Variants in MAP1LC3A observed in about 807,000 individuals in gnomAD.
MAP1LC3A encodes microtubule-associated protein 1 light chain 3 alpha.
Under a neutral mutation model 15.2 loss-of-function variants are expected in MAP1LC3A, and 10 were observed. The ratio of observed to expected loss-of-function variants is 0.66; its 90% confidence interval spans 0.41 to 1.12. The LOEUF is 1.12. Among genes scored for constraint, MAP1LC3A ranks in the 50% most tolerant of loss-of-function variants. The pLI is 0.00. For missense variants in MAP1LC3A, 138 were observed against 167.3 expected (o/e 0.82, Z 0.97); for synonymous variants, 63 against 64.3 (o/e 0.98, Z 0.10).
chr20:34,550,785 G>T (rs557657859), intron 2 of MAP1LC3A, among the ~76,000 whole-genome samples: 1 of 152,224 alleles, frequency 6.6e-6, no homozygotes, highest in South Asian at 2.1e-4. Flanking sequence ...TGAAACAAAA[G>T]AACATATCCC....
intron 1 of MAP1LC3A, 123 bp downstream of exon 1, chr20:34,559,031 C>G (rs1177037472): frequency 7.5e-7 from 1 of 1,336,298 alleles, no homozygotes; most frequent in Non-Finnish European, 9.6e-7. Context: ...GGACCAGCTC[C>G]GGCCTGGGCG....
chr20:34,558,761 A>C lies in MAP1LC3A; in HGVS notation c.-108A>C. 3 of 1,327,844 alleles carry C rather than the reference A, an allele frequency of 2.3e-6. No homozygotes were observed. The highest frequency in any genetic ancestry group is 2.9e-6 in the Non-Finnish European group (3 of 1,045,784). The allele number at this position is 1,327,844 out of a possible 1,614,324, so 82.3% of individuals were successfully genotyped here. On this transcript the variant is annotated 5_prime_UTR_variant, in exon 1 of 4. Coordinates refer to ENST00000360668, the MANE Select transcript of MAP1LC3A (RefSeq NM_032514.4). This position sits in a 1 kb window ranked among gnomAD's most constrained non-coding sequence, Gnocchi z 4.3. ...AGCCGCAGCCGCCGTGCTCAGCGCG[A>C]GCCCCGGAGCCCTTGAGCGCGAGGC...
At chr20:34,551,128 C>T (rs1006263516) in intron 2 of MAP1LC3A, among the ~76,000 whole-genome samples, 10 of 151,778 alleles carry the variant, frequency 6.6e-5, no homozygotes, top group Admixed American at 2.6e-4. Flanking sequence ...GGCATGCTCC[C>T]GTAATCCCAG....
At chr20:34,549,485 G>T (rs115910063) in intron 1 of MAP1LC3A, among the ~76,000 whole-genome samples, 10 of 152,314 alleles carry the variant, frequency 6.6e-5, no homozygotes, top group African/African-American at 9.6e-5. Context: ...TGCAGGGCAG[G>T]TTCTTTGCCT....
intron 2 of MAP1LC3A, among the ~76,000 whole-genome samples, chr20:34,550,694 G>C (rs1981916240): frequency 6.6e-6 from 1 of 152,174 alleles, no homozygotes; most frequent in Admixed American, 6.5e-5. Context: ...AGCACAAAAT[G>C]GAACAGCACT....
At chr20:34,547,236 C>T (rs1232102492) in intron 1 of MAP1LC3A, among the ~76,000 whole-genome samples, 1 of 152,014 alleles carries the variant, frequency 6.6e-6, no homozygotes, top group Non-Finnish European at 1.5e-5. Flanking sequence ...GTGCAGCAGT[C>T]ACCATACAGC....
At chr20:34,553,135 GC>G (rs1357084922) in intron 2 of MAP1LC3A, among the ~76,000 whole-genome samples, 1 of 152,106 alleles carries the variant, frequency 6.6e-6, no homozygotes, top group Non-Finnish European at 1.5e-5. Flanking sequence ...GTTGCGGTAC[GC>G]CAATATTGTG....
chr20:34,559,836 G>C lies in MAP1LC3A; in HGVS notation c.304G>C (p.Glu102Gln), dbSNP rs1204969528. The C allele has an allele frequency of 5.0e-6, 8 of 1,614,058 alleles. No individual in the cohort carries two copies. The highest frequency in any genetic ancestry group is 6.8e-6 in the Non-Finnish European group (8 of 1,180,000). The change falls in exon 4 of 4, where the codon GAG becomes CAG. Residue 102 changes from glutamate (E) to glutamine (Q), a missense_variant. Coordinates refer to ENST00000360668, the MANE Select transcript of MAP1LC3A (RefSeq NM_032514.4). ...STPIADIYEQ[E>Q]KDEDGFLYMV... ...GCCCATCGCGGACATCTACGAGCAG[G>C]AGAAAGACGAGGACGGCTTCCTCTA...
chr20:34,554,828 C>T (rs1453756194), upstream of MAP1LC3A, among the ~76,000 whole-genome samples: 1 of 151,994 alleles, frequency 6.6e-6, no homozygotes. Context: ...CCACCATACC[C>T]AGCTAATTTT....
Position 34,550,001 on chromosome 20 carries a change from T to C in MAP1LC3A, c.24T>C (p.Ser8=), listed in dbSNP as rs200785757. ...AGATGAAGATGAGATTCTTCAGTTC[T>C]CCATGTGGAAAAGCAGCTGTGGACC... is the stretch of plus-strand genomic sequence containing the variant. The change falls in exon 2 of 5, where the codon TCT becomes TCC. Residue 8 remains serine, a synonymous_variant. Transcript: ENST00000374837. 14 of 1,614,198 alleles carry C rather than the reference T, an allele frequency of 8.7e-6. No individual in the cohort carries two copies. The East Asian group carries it at 2.5e-4, about 28-fold the overall frequency.
chr20:34,559,938 C>T lies in MAP1LC3A; in HGVS notation c.*40C>T. The T allele has an allele frequency of 6.3e-7, 1 of 1,579,792 alleles. No individual in the cohort carries two copies. The highest frequency in any genetic ancestry group is 8.6e-7 in the Non-Finnish European group (1 of 1,164,540). On this transcript the variant is annotated 3_prime_UTR_variant, in exon 4 of 4. Transcript: ENST00000360668. ...GGCTCGGCCTGGGAGTCGGGCGGCC[C>T]CGGTCAGGCCCTGCCCAGAGAGCTC...
At chr20:34,551,612 C>T (rs868325619) in intron 2 of MAP1LC3A, among the ~76,000 whole-genome samples, 4 of 151,578 alleles carry the variant, frequency 2.6e-5, no homozygotes, top group Admixed American at 6.6e-5. Context: ...ATTACAGGTG[C>T]CTGCCATCAC....
rs1982364741 is a variant in MAP1LC3A at position 34,559,770 on chromosome 20, T to A, written c.238T>A (p.Phe80Ile). 1 of 1,612,050 alleles carries A rather than the reference T, an allele frequency of 6.2e-7. No individual in the cohort carries two copies. The highest frequency in any genetic ancestry group is 8.5e-7 in the Non-Finnish European group (1 of 1,179,218). ...GCAGCTGAACCCCACGCAGGCCTTC[T>A]TCCTGCTGGTGAACCAGCACAGCAT... ...RLQLNPTQAF[F>I]LLVNQHSMVS... Residue 80 changes from phenylalanine (F) to isoleucine (I), a missense_variant, in exon 4 of 4, where the codon TTC becomes ATC. Physicochemically the swap from Phe to Ile is conservative, Grantham distance 21. Coordinates refer to ENST00000360668, the MANE Select transcript of MAP1LC3A (RefSeq NM_032514.4).
chr20:34,556,913 T>G (rs749365915), upstream of MAP1LC3A, among the ~76,000 whole-genome samples: 18 of 152,212 alleles, frequency 1.2e-4, no homozygotes, highest in Non-Finnish European at 2.4e-4. Flanking sequence ...TTTTCAGCCT[T>G]AAAAACAAAA....
rs966805513 is a variant in MAP1LC3A at position 34,559,592 on chromosome 20, G to T, written c.203+139G>T. On this transcript the variant is annotated intron_variant, in intron 3 of 3. Coordinates refer to ENST00000360668, the MANE Select transcript of MAP1LC3A (RefSeq NM_032514.4). ...TTCTGGGGTGGCTGGAAAGGTCAAGGTCGGGGCTGCAGTCGGTGTTGGGTC... is the reference window on the plus strand; with the variant it reads ...TTCTGGGGTGGCTGGAAAGGTCAAGTTCGGGGCTGCAGTCGGTGTTGGGTC... 2.4e-6 allele frequency: 3 copies of T among 1,238,514 alleles called. No individual in the cohort carries two copies. The Admixed American group carries it at 6.0e-5, about 25-fold the overall frequency. The allele number at this position is 1,238,514 out of a possible 1,614,324, so 76.7% of individuals were successfully genotyped here.
intron 1 of MAP1LC3A, among the ~76,000 whole-genome samples, chr20:34,547,943 C>T (rs942238100): frequency 5.9e-5 from 9 of 152,090 alleles, no homozygotes; most frequent in African/African-American, 1.9e-4. Context: ...AGGCGGGGGT[C>T]AGTGTGCTCG....
chr20:34,556,527 A>G (rs1348877545), upstream of MAP1LC3A, among the ~76,000 whole-genome samples: 1 of 151,988 alleles, frequency 6.6e-6, no homozygotes, highest in Admixed American at 6.6e-5. Flanking sequence ...TAGTTACTCA[A>G]AGAGGTCTTA....
rs1982272726 is a variant in MAP1LC3A at position 34,558,827 on chromosome 20, C to T, written c.-42C>T. 1 of 1,423,426 alleles carries T rather than the reference C, an allele frequency of 7.0e-7. No homozygotes were observed. Among genetic ancestry groups the T allele is most frequent in the South Asian group, 1.4e-5 (1 of 69,836 alleles). 88.2% of individuals were successfully genotyped at this position (1,423,426 alleles called of 1,614,324 possible). On this transcript the variant is annotated 5_prime_UTR_variant, in exon 1 of 4. Transcript: ENST00000360668. The surrounding 1 kb of genome is among the most constrained non-coding windows in gnomAD (Gnocchi z 4.3). ...CCCCCAAACCGCAGACACATCCCCG[C>T]GCCCCAGAGCCCCGGCCTGCGCGCC...
upstream of MAP1LC3A, chr20:34,558,531 C>A: frequency 9.0e-7 from 1 of 1,106,324 alleles, no homozygotes; most frequent in Non-Finnish European, 1.1e-6. The surrounding 1 kb of genome is among the most constrained non-coding windows in gnomAD (Gnocchi z 4.3). Context: ...GCGGGAGAAG[C>A]TCCCGCGCTG....
Sources: allele counts gnomAD v4.1 joint callset (sites outside exome capture counted in the v4.1 genomes callset), GRCh38; gene constraint gnomAD v4.1.1; non-coding constraint Gnocchi (gnomAD v3.1); transcripts MANE v1.5; gene names NCBI Gene and HGNC (gene_info 2026-07-23, HGNC 2026-07-21).